Variants in TRDN observed in about 807,000 individuals in gnomAD.
The protein encoded by TRDN is triadin.
A neutral mutation model predicts 149.7 loss-of-function variants in TRDN; 161 were observed. The ratio of observed to expected loss-of-function variants is 1.08; its 90% CI spans 0.95 to 1.23. The LOEUF (loss-of-function observed/expected upper bound fraction) is 1.23. Among genes scored for constraint, TRDN ranks in the 50% most tolerant of loss-of-function variants. The pLI is 0.00. For missense variants in TRDN, 896 were observed against 823.5 expected (o/e 1.09, Z -1.08); for synonymous variants, 294 against 250.5 (o/e 1.17, Z -1.64).
chr6:123,570,640 C>CT (rs1782523814), intron 2 of TRDN, among the ~76,000 whole-genome samples: 1 of 152,120 alleles, frequency 6.6e-6, no homozygotes. Context: ...TTCACCCAAG[C>CT]TTTTTAACTA....
chr6:123,313,551 C>T (rs1207446064), intron 24 of TRDN, among the ~76,000 whole-genome samples: 7 of 151,986 alleles, frequency 4.6e-5, no homozygotes, highest in Admixed American at 1.3e-4. Context: ...GGTGTCCACT[C>T]CAATCCCTAG....
intron 24 of TRDN, among the ~76,000 whole-genome samples, chr6:123,305,536 C>T (rs1351922712): frequency 6.6e-6 from 1 of 152,112 alleles, no homozygotes; most frequent in Non-Finnish European, 1.5e-5. Context: ...AAGAACAATT[C>T]TCATGTCTGG....
chr6:123,445,652 C>A (rs1775287895), intron 10 of TRDN, among the ~76,000 whole-genome samples: 1 of 93,142 alleles, frequency 1.1e-5, no homozygotes, highest in African/African-American at 5.2e-5. Context: ...CCATCACTGG[C>A]CATCAGAGAA....
At chr6:123,284,059 A>G (rs948903138) in intron 24 of TRDN, among the ~76,000 whole-genome samples, 3 of 128,990 alleles carry the variant, frequency 2.3e-5, no homozygotes, top group Non-Finnish European at 3.2e-5. Flanking sequence ...ATAATAAAAA[A>G]TAAATAAAAT....
At chr6:123,512,108 C>T (rs896860276) in intron 7 of TRDN, among the ~76,000 whole-genome samples, 195 bp downstream of exon 7, 2 of 151,470 alleles carry the variant, frequency 1.3e-5, no homozygotes, top group African/African-American at 4.9e-5. Context: ...CTTCATTTTC[C>T]TCTCACATTA....
At chr6:123,377,671 A>T (rs752670246) in intron 18 of TRDN, 45 bp downstream of exon 18, 1 of 1,610,166 alleles carries the variant, frequency 6.2e-7, no homozygotes, top group East Asian at 2.2e-5. Context: ...ATTAATAAAC[A>T]CTGGACATGA....
chr6:123,624,149 TG>T (rs1415186296), intron 1 of TRDN, among the ~76,000 whole-genome samples: 1 of 152,078 alleles, frequency 6.6e-6, no homozygotes, highest in African/African-American at 2.4e-5. Flanking sequence ...GTTTGTTAGG[TG>T]CATGCTTATC....
At chr6:123,634,768 A>G (rs1381896569) in intron 1 of TRDN, among the ~76,000 whole-genome samples, 1 of 151,836 alleles carries the variant, frequency 6.6e-6, no homozygotes, top group Non-Finnish European at 1.5e-5. Context: ...AAAACAAAAA[A>G]AAATGCATAA....
intron 10 of TRDN, among the ~76,000 whole-genome samples, chr6:123,451,826 A>G (rs1775795235): frequency 6.6e-6 from 1 of 152,182 alleles, no homozygotes; most frequent in Admixed American, 6.5e-5. Context: ...ATCCTTGATG[A>G]ACATAAATGT....
intron 10 of TRDN, among the ~76,000 whole-genome samples, chr6:123,441,846 A>C (rs1342444219): frequency 6.6e-6 from 1 of 152,184 alleles, no homozygotes; most frequent in African/African-American, 2.4e-5. Context: ...TCTAGTGTAG[A>C]GATTATCCTA....
intron 13 of TRDN, among the ~76,000 whole-genome samples, chr6:123,390,495 A>T (rs1233822122): frequency 2.6e-5 from 4 of 152,154 alleles, no homozygotes; most frequent in African/African-American, 9.7e-5. Flanking sequence ...GAATGAAGGA[A>T]TTTGACCTAT....
chr6:123,478,004 C>T (rs537793646), intron 9 of TRDN, among the ~76,000 whole-genome samples: 13 of 150,412 alleles, frequency 8.6e-5, no homozygotes, highest in Admixed American at 1.3e-4. Context: ...CACATGTATA[C>T]GTATGTAACT....
At chr6:123,243,180 T>A (rs138293347) in intron 38 of TRDN, among the ~76,000 whole-genome samples, 86 of 152,140 alleles carry the variant, frequency 5.7e-4, no homozygotes, top group African/African-American at 2.0e-3. Context: ...GGTCCCATCA[T>A]CCTTAGTGGC....
intron 9 of TRDN, among the ~76,000 whole-genome samples, chr6:123,484,954 G>A (rs1246258124): frequency 3.3e-5 from 5 of 152,166 alleles, no homozygotes; most frequent in African/African-American, 1.2e-4. Context: ...CAGCTTCAGA[G>A]GAAACCTCCA....
At chr6:123,433,748 A>C (rs772812393) in intron 12 of TRDN, among the ~76,000 whole-genome samples, 1 of 152,184 alleles carries the variant, frequency 6.6e-6, no homozygotes, top group Non-Finnish European at 1.5e-5. Flanking sequence ...ATAAACATAT[A>C]AGATGATGAC....
intron 5 of TRDN, among the ~76,000 whole-genome samples, chr6:123,526,748 G>T (rs1779969624): frequency 6.6e-6 from 1 of 151,958 alleles, no homozygotes; most frequent in Non-Finnish European, 1.5e-5. Context: ...GGCAGTAAAA[G>T]TAGTTTAGGG....
intron 12 of TRDN, among the ~76,000 whole-genome samples, chr6:123,396,390 A>G (rs1252455714): frequency 6.6e-6 from 1 of 152,176 alleles, no homozygotes; most frequent in Non-Finnish European, 1.5e-5. Flanking sequence ...CATCATATCA[A>G]ATGATTTTAT....
chr6:123,397,945 A>G (rs932633122), intron 12 of TRDN, among the ~76,000 whole-genome samples: 2 of 152,238 alleles, frequency 1.3e-5, no homozygotes, highest in Non-Finnish European at 2.9e-5. Context: ...AAATGAAAAC[A>G]GCTTTAAAGC....
chr6:123,515,444 G>A (rs1263909655), intron 6 of TRDN, among the ~76,000 whole-genome samples: 2 of 151,804 alleles, frequency 1.3e-5, no homozygotes, highest in Non-Finnish European at 2.9e-5. Context: ...ACACTATGCA[G>A]CTTTTTAAAG....
Sources: allele counts gnomAD v4.1 joint callset (sites outside exome capture counted in the v4.1 genomes callset), GRCh38; gene constraint gnomAD v4.1.1; transcripts MANE v1.5; gene names NCBI Gene and HGNC (gene_info 2026-07-23, HGNC 2026-07-21).